The following PLEKHG1 variants were observed in gnomAD, a reference collection of about 807,000 sequenced individuals.
PLEKHG1 encodes the protein pleckstrin homology and RhoGEF domain containing G1, also known as pleckstrin homology domain-containing family G member 1.
In PLEKHG1, 44 loss-of-function variants were observed where a neutral mutation model predicts 100.8. That is an observed-to-expected ratio of 0.44 (90% CI 0.34 to 0.56). PLEKHG1 has a LOEUF of 0.56. Among genes scored for constraint, PLEKHG1 ranks in the 20% least tolerant of loss-of-function variants. The pLI is 0.01. For missense variants in PLEKHG1, 1,545 were observed against 1,720.9 expected, an observed-to-expected ratio of 0.90 and a Z score of 1.81; for synonymous variants, 640 against 662.5, an observed-to-expected ratio of 0.97 and a Z score of 0.52.
chr6:150,731,764 G>A (rs1782271394), intron 1 of PLEKHG1, among the ~76,000 whole-genome samples: 1 of 151,978 alleles, frequency 6.6e-6, no homozygotes, highest in Non-Finnish European at 1.5e-5. Context: ...AAGACATTTT[G>A]TTTCTATAAA....
intron 3 of PLEKHG1, among the ~76,000 whole-genome samples, chr6:150,660,313 A>C (rs1282755213): frequency 6.6e-6 from 1 of 152,208 alleles, no homozygotes; most frequent in African/African-American, 2.4e-5. Context: ...AACTCTGAGA[A>C]ACCTTAAAAC....
intron 3 of PLEKHG1, among the ~76,000 whole-genome samples, chr6:150,673,324 T>G (rs1309253046): frequency 6.6e-6 from 1 of 152,248 alleles, no homozygotes; most frequent in Non-Finnish European, 1.5e-5. Flanking sequence ...TCAAATATTC[T>G]GTGTAATCTG....
intron 3 of PLEKHG1, among the ~76,000 whole-genome samples, chr6:150,691,620 C>A (rs1310572671): frequency 1.3e-5 from 2 of 152,200 alleles, no homozygotes; most frequent in Non-Finnish European, 2.9e-5. Context: ...AGCCTATAAT[C>A]ATCTCTGAGC....
At chr6:150,617,143 T>C (rs1041507446) in intron 1 of PLEKHG1, among the ~76,000 whole-genome samples, 1 of 152,248 alleles carries the variant, frequency 6.6e-6, no homozygotes, top group Non-Finnish European at 1.5e-5. Flanking sequence ...TGTAACAGGG[T>C]ATCCTGAGTT....
At chr6:150,841,226 C>A in exon 16 of PLEKHG1, 1 of 376,892 alleles carries the variant, frequency 2.7e-6, no homozygotes, top group Non-Finnish European at 4.9e-6. Flanking sequence ...TGCAATAATC[C>A]TTTCCTGTTA....
At chr6:150,762,095 G>A (rs1157588916) in intron 2 of PLEKHG1, among the ~76,000 whole-genome samples, 1 of 152,078 alleles carries the variant, frequency 6.6e-6, no homozygotes. Flanking sequence ...TTTTACTCAG[G>A]CATCTCAGAG....
intron 1 of PLEKHG1, among the ~76,000 whole-genome samples, chr6:150,626,408 C>A (rs1441904798): frequency 6.6e-6 from 1 of 152,140 alleles, no homozygotes; most frequent in East Asian, 1.9e-4. Flanking sequence ...CTTGGACGTT[C>A]CATTGACGCC....
In PLEKHG1 at chr6:150,639,716, A is replaced by G. The variant is rs183429853; in HGVS notation, c.-158+1591A>G. ...GGGAAGGATTGAAGCAAAGAACTCC[A>G]TATGATCATGTTTATCGTGTAGCTG... On this transcript the variant is annotated intron_variant, in intron 2 of 3. Transcript: ENST00000367326. Among the ~76,000 whole-genome samples the G allele has an allele frequency of 2.0e-5, 3 of 152,258 alleles. No homozygotes were observed. The East Asian group carries it at 5.8e-4, about 29-fold the overall frequency.
intron 3 of PLEKHG1, among the ~76,000 whole-genome samples, chr6:150,705,112 G>T (rs1780951140): frequency 6.6e-6 from 1 of 152,184 alleles, no homozygotes; most frequent in Non-Finnish European, 1.5e-5. Flanking sequence ...TTTAGGAGGT[G>T]TTAGGTAACA....
intron 2 of PLEKHG1, among the ~76,000 whole-genome samples, chr6:150,744,554 T>C (rs755742612): frequency 2.0e-5 from 3 of 152,208 alleles, no homozygotes; most frequent in South Asian, 2.1e-4. Flanking sequence ...CCATAAGAAA[T>C]TGAAGTCAGC....
chr6:150,823,542 T>C (rs1776423464), intron 13 of PLEKHG1, 112 bp from the exon 15 acceptor site: 6 of 714,178 alleles, frequency 8.4e-6, no homozygotes, highest in Admixed American at 7.6e-5. Flanking sequence ...CAGAAGTCAC[T>C]TGGGCTTCAA....
At chr6:150,821,057 T>C in intron 12 of PLEKHG1, 138 bp from the exon 14 acceptor site, 1 of 661,700 alleles carries the variant, frequency 1.5e-6, no homozygotes. Context: ...CTCTGAGCAA[T>C]GGGGATTTTG....
intron 10 of PLEKHG1, among the ~76,000 whole-genome samples, chr6:150,810,635 T>C (rs1427412176): frequency 1.3e-5 from 2 of 151,942 alleles, no homozygotes; most frequent in African/African-American, 4.8e-5. Context: ...AAGACTCACA[T>C]GGGGCCAGGC....
chr6:150,607,895 G>A (rs1776669080), intron 1 of PLEKHG1, among the ~76,000 whole-genome samples: 1 of 152,056 alleles, frequency 6.6e-6, no homozygotes, highest in South Asian at 2.1e-4. Flanking sequence ...TGGAAGCTTT[G>A]GGAACATAGT....
chr6:150,620,997 C>T (rs1777276740), intron 1 of PLEKHG1, among the ~76,000 whole-genome samples: 1 of 152,138 alleles, frequency 6.6e-6, no homozygotes, highest in Admixed American at 6.5e-5. Flanking sequence ...AAGGGAAAAC[C>T]TTTGGCCTCT....
chr6:150,669,710 C>T (rs1328356800), intron 3 of PLEKHG1, among the ~76,000 whole-genome samples: 4 of 151,444 alleles, frequency 2.6e-5, no homozygotes, highest in Non-Finnish European at 5.9e-5. Flanking sequence ...GTTTCTCCTG[C>T]CTCAGCCTCC....
At chr6:150,787,962 A>G (rs902282279) in intron 4 of PLEKHG1, among the ~76,000 whole-genome samples, 7 of 152,214 alleles carry the variant, frequency 4.6e-5, no homozygotes, top group African/African-American at 1.7e-4. Context: ...GGCTAAAAAG[A>G]TATGCTGGGT....
At chr6:150,798,541 C>T (rs1246629807) in intron 5 of PLEKHG1, among the ~76,000 whole-genome samples, 1 of 152,124 alleles carries the variant, frequency 6.6e-6, no homozygotes, top group Non-Finnish European at 1.5e-5. Flanking sequence ...CATGGAGCAC[C>T]GTCCCAAGCC....
intron 1 of PLEKHG1, among the ~76,000 whole-genome samples, chr6:150,616,926 A>C (rs1469527499): frequency 6.6e-6 from 1 of 152,188 alleles, no homozygotes. Flanking sequence ...TAAATGTTGA[A>C]GTTCTAGAAT....
Sources: allele counts gnomAD v4.1 joint callset (sites outside exome capture counted in the v4.1 genomes callset), GRCh38; gene constraint gnomAD v4.1.1; transcripts MANE v1.5; gene names NCBI Gene and HGNC (gene_info 2026-07-23, HGNC 2026-07-21).